Variants in EEA1 observed in about 807,000 individuals in gnomAD.
EEA1 encodes the protein early endosome antigen 1, 162kD.
EEA1 carries 111 observed loss-of-function variants against 209.2 expected under a neutral mutation model. The ratio of observed to expected loss-of-function variants is 0.53; its 90% CI spans 0.45 to 0.62. The LOEUF (loss-of-function observed/expected upper bound fraction) is 0.62. Among genes scored for constraint, EEA1 ranks in the 20% least tolerant of loss-of-function variants. The pLI is 0.00. For missense variants in EEA1, 1,343 were observed against 1,530.8 expected (o/e 0.88, Z 2.05); for synonymous variants, 536 against 540.6 (o/e 0.99, Z 0.12).
At chr12:92,826,355 T>C (rs1592722218) in intron 12 of EEA1, 70 bp from the exon 13 acceptor site, 1 of 1,410,402 alleles carries the variant, frequency 7.1e-7, no homozygotes, top group East Asian at 2.4e-5. Context: ...TATCTGGCAT[T>C]ACTTCAATTC....
At chr12:92,837,168 G>A (rs938257059) in intron 10 of EEA1, among the ~76,000 whole-genome samples, 1 of 150,610 alleles carries the variant, frequency 6.6e-6, no homozygotes, top group Non-Finnish European at 1.5e-5. Flanking sequence ...ATTCACTAAG[G>A]TGCTTACTAA....
At chr12:92,878,965 G>A (rs1003397086) in intron 2 of EEA1, among the ~76,000 whole-genome samples, 3 of 152,118 alleles carry the variant, frequency 2.0e-5, no homozygotes, top group Non-Finnish European at 2.9e-5. Context: ...TCCAAGCCCA[G>A]ATGGTTTTAC....
chr12:92,876,945 T>G (rs905580911), intron 2 of EEA1, among the ~76,000 whole-genome samples: 20 of 148,372 alleles, frequency 1.3e-4, no homozygotes, highest in African/African-American at 4.7e-4. Flanking sequence ...TGGGTGTTGT[T>G]TTTTTTTTTT....
chr12:92,810,020 T>C (rs1875416837), intron 17 of EEA1, among the ~76,000 whole-genome samples: 1 of 152,230 alleles, frequency 6.6e-6, no homozygotes, highest in Non-Finnish European at 1.5e-5. Flanking sequence ...CTTCAGAATA[T>C]AGTTTGCATC....
At chr12:92,878,660 C>A (rs1879015475) in intron 2 of EEA1, among the ~76,000 whole-genome samples, 1 of 151,766 alleles carries the variant, frequency 6.6e-6, no homozygotes, top group Admixed American at 6.6e-5. Context: ...AAGCAGAAAC[C>A]AATAAAAGAG....
At chr12:92,911,886 C>G (rs568942943) in intron 1 of EEA1, among the ~76,000 whole-genome samples, 1 of 152,332 alleles carries the variant, frequency 6.6e-6, no homozygotes, top group South Asian at 2.1e-4. Flanking sequence ...TCAGTGATCA[C>G]TGCTGGAGTA....
chr12:92,782,418 T>G (rs1341794245), intron 22 of EEA1, among the ~76,000 whole-genome samples: 1 of 152,190 alleles, frequency 6.6e-6, no homozygotes, highest in Non-Finnish European at 1.5e-5. Flanking sequence ...TGAATGTTGA[T>G]CACATCTTCA....
chr12:92,803,620 T>C (rs1875044613), intron 18 of EEA1, among the ~76,000 whole-genome samples: 1 of 152,100 alleles, frequency 6.6e-6, no homozygotes, highest in Admixed American at 6.5e-5. Context: ...TAATAAAGTA[T>C]TTGAAATTGT....
intron 5 of EEA1, 73 bp downstream of exon 5, chr12:92,857,202 G>A: frequency 8.3e-7 from 1 of 1,200,926 alleles, no homozygotes; most frequent in South Asian, 1.6e-5. Context: ...CTTGCAAAAA[G>A]GTATTAAGTT....
intron 22 of EEA1, among the ~76,000 whole-genome samples, chr12:92,786,717 A>C (rs558385904): frequency 6.6e-6 from 1 of 152,300 alleles, no homozygotes; most frequent in East Asian, 1.9e-4. Context: ...TCCCAGGTCC[A>C]ATCCAAGCTG....
At chr12:92,827,150 G>A (rs898724303) in intron 12 of EEA1, among the ~76,000 whole-genome samples, 1 of 152,148 alleles carries the variant, frequency 6.6e-6, no homozygotes, top group East Asian at 1.9e-4. Context: ...GAGGTCAGGA[G>A]TTCAAGACCA....
At chr12:92,791,141 T>A (rs1403162600) in intron 21 of EEA1, among the ~76,000 whole-genome samples, 1 of 152,010 alleles carries the variant, frequency 6.6e-6, no homozygotes, top group Non-Finnish European at 1.5e-5. Context: ...CATGGAAAGG[T>A]ACAACCGGTA....
chr12:92,847,177 T>C (rs542952279), intron 9 of EEA1, among the ~76,000 whole-genome samples: 2 of 152,172 alleles, frequency 1.3e-5, no homozygotes, highest in South Asian at 4.1e-4. Flanking sequence ...GCTAGTCTTG[T>C]ACTCCTGACC....
chr12:92,799,245 T>G (rs915951966), intron 20 of EEA1, among the ~76,000 whole-genome samples, 159 bp from the exon 21 acceptor site: 1 of 152,220 alleles, frequency 6.6e-6, no homozygotes, highest in Admixed American at 6.5e-5. Flanking sequence ...AGGAAGAAAT[T>G]ACTGAGGCTG....
intron 17 of EEA1, 113 bp from the exon 18 acceptor site, chr12:92,809,269 ATTTATT>A: frequency 1.4e-6 from 1 of 701,874 alleles, no homozygotes. Flanking sequence ...ACAAAAAAAA[ATTTATT>A]ATAATAAAAA....
chr12:92,795,444 C>T (rs1874617117), intron 21 of EEA1, among the ~76,000 whole-genome samples: 1 of 152,174 alleles, frequency 6.6e-6, no homozygotes, highest in African/African-American at 2.4e-5. Flanking sequence ...TCGTCTTCAG[C>T]ACCTAGAATT....
intron 3 of EEA1, among the ~76,000 whole-genome samples, chr12:92,859,877 A>G (rs1451939541): frequency 6.6e-6 from 1 of 152,086 alleles, no homozygotes; most frequent in Non-Finnish European, 1.5e-5. Context: ...CTGTAACTTG[A>G]TCCATTTCTA....
chr12:92,836,721 G>A (rs1052901350), intron 10 of EEA1, among the ~76,000 whole-genome samples: 3 of 152,060 alleles, frequency 2.0e-5, no homozygotes, highest in Non-Finnish European at 4.4e-5. Flanking sequence ...CAGCTAAAAA[G>A]TTATGTTTTA....
chr12:92,866,024 C>A (rs1347751056), intron 2 of EEA1, among the ~76,000 whole-genome samples: 1 of 151,598 alleles, frequency 6.6e-6, no homozygotes, highest in East Asian at 1.9e-4. Flanking sequence ...ATTGGGATTA[C>A]AGGCATGAGC....
Sources: gnomAD v4.1 joint callset for allele counts (sites outside exome capture counted in the v4.1 genomes callset) on GRCh38, gnomAD v4.1.1 for gene constraint, MANE v1.5 for transcripts, NCBI Gene and HGNC (gene_info 2026-07-23, HGNC 2026-07-21) for gene names.